Variants in GPBP1 observed in about 807,000 individuals in gnomAD.
GPBP1 encodes the protein GC-rich promoter binding protein 1, also known as vasculin.
Under a neutral mutation model 56.5 loss-of-function variants are expected in GPBP1, and 13 were observed. That is an observed-to-expected ratio of 0.23 (90% CI 0.15 to 0.37). GPBP1 has a LOEUF of 0.37. GPBP1 is among the 10% of genes least tolerant of loss of function. The probability of loss-of-function intolerance (pLI) is 1.00; values close to 1 mark genes in which losing one functional copy is unlikely to be tolerated. For synonymous variants in GPBP1, 204 were observed against 188.9 expected (o/e 1.08, Z -0.66); for missense variants, 477 against 572.3 (o/e 0.83, Z 1.70).
At chr5:57,230,655 T>C (rs527339555) in intron 3 of GPBP1, 191 bp from the exon 4 acceptor site, 13 of 604,248 alleles carry the variant, frequency 2.2e-5, no homozygotes, top group Non-Finnish European at 3.5e-5. Flanking sequence ...TTGTTTCCAT[T>C]AGATAGAAGA....
At chr5:57,203,942 T>G (rs999843755) in intron 2 of GPBP1, among the ~76,000 whole-genome samples, 1 of 152,196 alleles carries the variant, frequency 6.6e-6, no homozygotes, top group African/African-American at 2.4e-5. Flanking sequence ...AGAGGCCATG[T>G]TCCTTAGACA....
At chr5:57,185,230 T>G (rs1376054082) in intron 2 of GPBP1, among the ~76,000 whole-genome samples, 1 of 151,970 alleles carries the variant, frequency 6.6e-6, no homozygotes, top group East Asian at 1.9e-4. Flanking sequence ...CTTTAAAATT[T>G]GTTTTTGGCA....
intron 2 of GPBP1, among the ~76,000 whole-genome samples, chr5:57,196,943 G>C (rs764738261): frequency 1.3e-5 from 2 of 151,920 alleles, no homozygotes; most frequent in Non-Finnish European, 2.9e-5. Flanking sequence ...CACCATACCT[G>C]GCTAATTTTT....
chr5:57,217,952 G>A (rs1412339164), intron 3 of GPBP1, among the ~76,000 whole-genome samples: 1 of 151,894 alleles, frequency 6.6e-6, no homozygotes, highest in African/African-American at 2.4e-5. Context: ...TTTCACTTAT[G>A]AAATTTTTTA....
chr5:57,216,549 C>T (rs1205728971), intron 3 of GPBP1, among the ~76,000 whole-genome samples: 1 of 152,052 alleles, frequency 6.6e-6, no homozygotes, highest in Non-Finnish European at 1.5e-5. Context: ...TGGCCCAAAC[C>T]CCGTCTCTAC....
Position 57,187,665 on chromosome 5 carries a change from C to A in GPBP1, c.-58+11265C>A, listed in dbSNP as rs117521894. On this transcript the variant is annotated intron_variant, in intron 2 of 11. Transcript: ENST00000506184. Reference sequence around the variant, plus strand: ...CATAGTCTTTATGACTTAATTCTTGCTCTATAAAATAGTGCCTCACAGAGT... The same window carrying A: ...CATAGTCTTTATGACTTAATTCTTGATCTATAAAATAGTGCCTCACAGAGT... Among the ~76,000 whole-genome samples the A allele has an allele frequency of 5.5e-4, 84 of 152,218 alleles. 1 individual carries two copies. In the East Asian group the frequency reaches 0.013, roughly 23 times the overall value.
At chr5:57,203,091 G>A (rs1257508040) in intron 2 of GPBP1, among the ~76,000 whole-genome samples, 1 of 152,152 alleles carries the variant, frequency 6.6e-6, no homozygotes, top group Non-Finnish European at 1.5e-5. Context: ...TTCGTTGTAA[G>A]TTTTGAAGTT....
In GPBP1 at chr5:57,175,930, A is replaced by G; in HGVS notation, c.-528A>G. 1 of 398,568 alleles carries G rather than the reference A, an allele frequency of 2.5e-6. No homozygotes were observed. The highest frequency in any genetic ancestry group is 4.4e-6 in the Non-Finnish European group (1 of 226,030). The allele number at this position is 398,568 out of a possible 1,614,324, so 24.7% of individuals were successfully genotyped here. Reference sequence around the variant, plus strand: ...CACTTTTTCTGAATGAAGAGATTGAAAGAATACAGAGTTTTTTTCCTTTTA... The same window carrying G: ...CACTTTTTCTGAATGAAGAGATTGAGAGAATACAGAGTTTTTTTCCTTTTA... On this transcript the variant is annotated 5_prime_UTR_variant, in exon 2 of 12. Coordinates refer to ENST00000506184, the MANE Select transcript of GPBP1 (RefSeq NM_022913.4).
At chr5:57,186,994 A>G (rs1412255742) in intron 2 of GPBP1, among the ~76,000 whole-genome samples, 1 of 144,866 alleles carries the variant, frequency 6.9e-6, no homozygotes, top group African/African-American at 2.6e-5. Flanking sequence ...CTATTTCTGG[A>G]CTCAGAGAAG....
intron 3 of GPBP1, among the ~76,000 whole-genome samples, chr5:57,215,645 G>A (rs62355730): frequency 0.1 from 15,645 of 152,252 alleles, 1,009 homozygotes; most frequent in Non-Finnish European, 0.15. Flanking sequence ...TCAGCTTATT[G>A]CTCTTCATGC....
At chr5:57,223,791 T>C (rs1043837316) in intron 3 of GPBP1, among the ~76,000 whole-genome samples, 4 of 148,974 alleles carry the variant, frequency 2.7e-5, no homozygotes, top group African/African-American at 9.8e-5. Flanking sequence ...ATATATATAA[T>C]TTTAAAATTT....
chr5:57,204,690 A>G (rs1020064355), intron 2 of GPBP1, among the ~76,000 whole-genome samples: 11 of 152,172 alleles, frequency 7.2e-5, no homozygotes, highest in African/African-American at 2.4e-4. Flanking sequence ...CTAGAATATT[A>G]CAGAAGTGGT....
intron 10 of GPBP1, among the ~76,000 whole-genome samples, chr5:57,259,174 C>T (rs1741785932): frequency 1.3e-5 from 2 of 152,204 alleles, no homozygotes; most frequent in Admixed American, 6.5e-5. Context: ...CAACAAGGTG[C>T]TGTGCAATAC....
At chr5:57,194,557 G>A (rs1404522144) in intron 2 of GPBP1, among the ~76,000 whole-genome samples, 1 of 151,992 alleles carries the variant, frequency 6.6e-6, no homozygotes, top group East Asian at 1.9e-4. Context: ...TAGTTATCTT[G>A]AAATATATAA....
intron 3 of GPBP1, among the ~76,000 whole-genome samples, chr5:57,218,880 G>A (rs1332472681): frequency 6.6e-6 from 1 of 152,124 alleles, no homozygotes; most frequent in Non-Finnish European, 1.5e-5. Flanking sequence ...TTCTCCTATA[G>A]AATATAATTT....
chr5:57,251,730 A>G (rs192754517), intron 10 of GPBP1, among the ~76,000 whole-genome samples: 1 of 152,062 alleles, frequency 6.6e-6, no homozygotes, highest in Admixed American at 6.5e-5. Flanking sequence ...GGGACATATG[A>G]TAGTTGTGTT....
intron 2 of GPBP1, among the ~76,000 whole-genome samples, chr5:57,207,913 T>C (rs553164409): frequency 6.6e-6 from 1 of 152,224 alleles, no homozygotes; most frequent in Admixed American, 6.5e-5. Flanking sequence ...GCTATTTGTG[T>C]GTTCTTCCGC....
chr5:57,183,139 G>A (rs182406676), intron 2 of GPBP1, among the ~76,000 whole-genome samples: 7 of 152,232 alleles, frequency 4.6e-5, no homozygotes, highest in African/African-American at 1.4e-4. Context: ...GCTGAAGCGG[G>A]TGGATCACCT....
chr5:57,213,712 G>A (rs1289741359), intron 2 of GPBP1, among the ~76,000 whole-genome samples: 1 of 151,932 alleles, frequency 6.6e-6, no homozygotes, highest in Non-Finnish European at 1.5e-5. Flanking sequence ...ATTTCATTTT[G>A]GGTTATATCA....
Sources: gnomAD v4.1 joint callset for allele counts (sites outside exome capture counted in the v4.1 genomes callset) on GRCh38, gnomAD v4.1.1 for gene constraint, MANE v1.5 for transcripts, NCBI Gene and HGNC (gene_info 2026-07-23, HGNC 2026-07-21) for gene names.